The following LRGUK variants were observed in gnomAD, a reference collection of about 807,000 sequenced individuals.
LRGUK encodes the protein leucine-rich repeat and guanylate kinase domain-containing protein.
Under a neutral mutation model 76.0 loss-of-function variants are expected in LRGUK, and 65 were observed. The ratio of observed to expected loss-of-function variants is 0.85; its 90% CI spans 0.70 to 1.05. LRGUK has a LOEUF of 1.05. Among genes scored for constraint, LRGUK ranks in the 50% least tolerant of loss-of-function variants. The pLI is 0.00. For missense variants in LRGUK, 758 were observed against 732.8 expected, an observed-to-expected ratio of 1.03 and a Z score of -0.40; for synonymous variants, 268 against 265.6, an observed-to-expected ratio of 1.01 and a Z score of -0.09.
chr7:134,221,995 G>A, intron 16 of LRGUK, 77 bp downstream of exon 16: 2 of 1,338,970 alleles, frequency 1.5e-6, no homozygotes, highest in Non-Finnish European at 1.9e-6. Context: ...TTAATATTTT[G>A]AGACTAATAA....
In LRGUK at chr7:134,247,716, C is replaced by G. The variant is rs892414036; in HGVS notation, c.2072+72C>G. 3 of 1,211,616 alleles carry G rather than the reference C, an allele frequency of 2.5e-6. No individual in the cohort carries two copies. In the Admixed American group the frequency reaches 5.4e-5, roughly 22 times the overall value. 75.1% of individuals were successfully genotyped at this position (1,211,616 alleles called of 1,614,324 possible). A position where few individuals can be genotyped will look rare whatever the true frequency, so the allele number is the denominator to read the frequency against. ...CAAATAGATCAAATGAATCCTAAAT[C>G]GTGAACATAAACAGAGACCTCTGTC... On this transcript the variant is annotated intron_variant, in intron 17 of 19. Transcript: ENST00000285928.
chr7:134,159,336 C>CA (rs35701399), intron 6 of LRGUK, among the ~76,000 whole-genome samples: 2,996 of 81,290 alleles, frequency 0.037, 110 homozygotes, highest in African/African-American at 0.1. Flanking sequence ...GACCCTGCCT[C>CA]AAAAAAAAAA....
chr7:134,256,769 A>T (rs1802594759), intron 18 of LRGUK, among the ~76,000 whole-genome samples: 1 of 152,090 alleles, frequency 6.6e-6, no homozygotes, highest in Non-Finnish European at 1.5e-5. Context: ...TATGCCTAAT[A>T]TATCATCTTA....
downstream of LRGUK, among the ~76,000 whole-genome samples, chr7:134,215,073 G>A (rs185382691): frequency 5.1e-4 from 77 of 152,232 alleles, no homozygotes; most frequent in East Asian, 1.2e-3. Context: ...GAGGAATCCT[G>A]TTTTATTAAA....
chr7:134,203,172 T>C (rs749887066), intron 15 of LRGUK, among the ~76,000 whole-genome samples: 4 of 151,966 alleles, frequency 2.6e-5, no homozygotes, highest in Non-Finnish European at 4.4e-5. Context: ...CACTGCACTC[T>C]AGCCTAGTGT....
In LRGUK at chr7:134,199,214, G is replaced by A. The variant is rs2117081658; in HGVS notation, c.1546-6G>A. 6.2e-7 allele frequency: 1 copy of A among 1,611,392 alleles called. No individual in the cohort carries two copies. The highest frequency in any genetic ancestry group is 8.5e-7 in the Non-Finnish European group (1 of 1,177,954). ...TCCAATTTATTATCTTCCTTTTAAT[G>A]CACAGGGTGTAAGAAGTTTGAAATA... On this transcript the variant is annotated splice_region_variant and splice_polypyrimidine_tract_variant and intron_variant, in intron 13 of 15. Coordinates refer to ENST00000645682, the Ensembl canonical transcript of LRGUK.
intron 19 of LRGUK, among the ~76,000 whole-genome samples, chr7:134,260,737 G>T (rs1459605788): frequency 6.6e-6 from 1 of 152,106 alleles, no homozygotes; most frequent in Admixed American, 6.6e-5. Context: ...CCCCTGTGTG[G>T]TTTTCATGAG....
the LRGUK span, among the ~76,000 whole-genome samples, chr7:134,270,787 C>A: frequency 2.0e-5 from 3 of 152,132 alleles, no homozygotes; most frequent in African/African-American, 7.2e-5. Flanking sequence ...TTGGTGAATG[C>A]TAAATTTGTT....
chr7:134,249,115 T>C, intron 18 of LRGUK, 39 bp downstream of exon 18: 2 of 1,520,020 alleles, frequency 1.3e-6, no homozygotes, highest in East Asian at 2.3e-5. Flanking sequence ...TTGGCTATTT[T>C]CTGCTGGTTA....
intron 12 of LRGUK, 87 bp from the exon 13 acceptor site, chr7:134,196,905 T>G: frequency 1.5e-6 from 1 of 664,234 alleles, no homozygotes; most frequent in Admixed American, 2.8e-5. Flanking sequence ...TTGAAATTAT[T>G]TAGAATAAGA....
chr7:134,198,434 C>T (rs1332284032), intron 13 of LRGUK, among the ~76,000 whole-genome samples: 2 of 152,160 alleles, frequency 1.3e-5, no homozygotes, highest in African/African-American at 4.8e-5. Context: ...CCAGACTGCC[C>T]TGGTCATTGA....
intron 18 of LRGUK, among the ~76,000 whole-genome samples, chr7:134,255,193 C>T (rs1000813831): frequency 8.0e-5 from 12 of 149,412 alleles, no homozygotes; most frequent in Non-Finnish European, 1.6e-4. Context: ...TGCCAGTTTC[C>T]GTTCTGGGAA....
chr7:134,132,952 G>A (rs1797374804), intron 1 of LRGUK, among the ~76,000 whole-genome samples: 1 of 152,196 alleles, frequency 6.6e-6, no homozygotes. Context: ...GAGAGTTATG[G>A]AGAGATGGGC....
At chr7:134,274,585 A>G in the LRGUK span, among the ~76,000 whole-genome samples, 1 of 148,642 alleles carries the variant, frequency 6.7e-6, no homozygotes, top group Non-Finnish European at 1.5e-5. Flanking sequence ...ACCTAATTAT[A>G]ATTGTGTTTT....
exon 5 of LRGUK, chr7:134,148,300 C>T: frequency 6.3e-7 from 1 of 1,590,190 alleles, no homozygotes; most frequent in Non-Finnish European, 8.5e-7. Flanking sequence ...ATCATGCTCT[C>T]ACTAAACTAA....
Position 134,166,524 on chromosome 7 carries a change from A to G in LRGUK, c.939+2984A>G, listed in dbSNP as rs547920573. On this transcript the variant is annotated intron_variant, in intron 7 of 15. Coordinates refer to ENST00000645682, the Ensembl canonical transcript of LRGUK. Reference sequence around the variant, plus strand: ...CTAAGTCTCAGTGTCGTTATGTCACACTGTTGGTTCCCAATTACTTTTCTG... The same window carrying G: ...CTAAGTCTCAGTGTCGTTATGTCACGCTGTTGGTTCCCAATTACTTTTCTG... Among the ~76,000 whole-genome samples the G allele has an allele frequency of 3.9e-5, 6 of 152,286 alleles. No individual in the cohort carries two copies. In the East Asian group the frequency reaches 9.7e-4, roughly 25 times the overall value.
chr7:134,149,653 G>T (rs1798123240), intron 5 of LRGUK, among the ~76,000 whole-genome samples: 1 of 152,158 alleles, frequency 6.6e-6, no homozygotes, highest in Non-Finnish European at 1.5e-5. Context: ...AGAGAAATCA[G>T]AAAGTGACCA....
At chr7:134,145,539 G>A (rs1020064017) in intron 4 of LRGUK, among the ~76,000 whole-genome samples, 5 of 152,150 alleles carry the variant, frequency 3.3e-5, no homozygotes, top group Non-Finnish European at 4.4e-5. Flanking sequence ...GAGCTGCTGC[G>A]CCTGGCCTCA....
intron 3 of LRGUK, among the ~76,000 whole-genome samples, chr7:134,141,282 C>G (rs1189206404): frequency 1.3e-5 from 2 of 152,172 alleles, no homozygotes; most frequent in Non-Finnish European, 2.9e-5. Flanking sequence ...ATCCGAATCA[C>G]CTGGAAGCCC....
Sources: gnomAD v4.1 joint callset for allele counts (sites outside exome capture counted in the v4.1 genomes callset) on GRCh38, gnomAD v4.1.1 for gene constraint, MANE v1.5 for transcripts, NCBI Gene and HGNC (gene_info 2026-07-23, HGNC 2026-07-21) for gene names.